The following CYP4X1 variants were observed in gnomAD, a reference collection of about 807,000 sequenced individuals.
CYP4X1 encodes the protein cytochrome P450 4X1.
A neutral mutation model predicts 57.9 loss-of-function variants in CYP4X1; 44 were observed. The ratio of observed to expected loss-of-function variants is 0.76; its 90% CI spans 0.60 to 0.98. The LOEUF is 0.98. CYP4X1 is among the 50% of genes least tolerant of loss of function. CYP4X1 has a pLI of 0.00. For missense variants in CYP4X1, 532 were observed against 623.9 expected (o/e 0.85, Z 1.57); for synonymous variants, 227 against 228.6 (o/e 0.99, Z 0.06).
the CYP4X1 span, among the ~76,000 whole-genome samples, chr1:46,981,488 G>A: frequency 1.3e-5 from 2 of 152,180 alleles, no homozygotes; most frequent in African/African-American, 4.8e-5. Flanking sequence ...AACAACAGGT[G>A]CTGGAGAGGA....
the CYP4X1 span, among the ~76,000 whole-genome samples, chr1:46,966,541 C>A: frequency 6.6e-6 from 1 of 152,146 alleles, no homozygotes; most frequent in East Asian, 1.9e-4. Context: ...CTCTGTGCCA[C>A]TTCTGGGTGG....
chr1:47,040,995 C>T (rs944783494), intron 8 of CYP4X1, among the ~76,000 whole-genome samples: 10 of 152,096 alleles, frequency 6.6e-5, no homozygotes, highest in Admixed American at 6.6e-4. Context: ...CTCTCTGCTT[C>T]TTTGAGTTTA....
chr1:47,010,470 A>T, the CYP4X1 span, among the ~76,000 whole-genome samples: 5 of 152,190 alleles, frequency 3.3e-5, no homozygotes, highest in Non-Finnish European at 7.3e-5. Flanking sequence ...AATGGGCAAA[A>T]ACTGGAAGCA....
the CYP4X1 span, among the ~76,000 whole-genome samples, chr1:46,973,134 C>T: frequency 3.3e-5 from 5 of 151,924 alleles, no homozygotes; most frequent in East Asian, 9.6e-4. Context: ...GAGGGTTTAA[C>T]ATGAAGGAAT....
the CYP4X1 span, among the ~76,000 whole-genome samples, chr1:47,010,577 A>G: frequency 2.0e-5 from 3 of 152,136 alleles, no homozygotes; most frequent in African/African-American, 7.2e-5. Flanking sequence ...CAGGCAGGAG[A>G]AGGAAATAAA....
chr1:47,028,045 A>G (rs1041055525), intron 1 of CYP4X1, among the ~76,000 whole-genome samples: 1 of 152,210 alleles, frequency 6.6e-6, no homozygotes, highest in Non-Finnish European at 1.5e-5. Flanking sequence ...GAATGCATAA[A>G]TATATTAGGT....
At chr1:47,021,142 C>CAAAAAAAAAAAA (rs546594827), upstream of CYP4X1, among the ~76,000 whole-genome samples, 241 of 47,458 alleles carry the variant, frequency 5.1e-3, 55 homozygotes, top group Middle Eastern at 0.036. Context: ...GCAGGAATGC[C>CAAAAAAAAAAAA]AAAAAAAAAA....
the CYP4X1 span, among the ~76,000 whole-genome samples, chr1:46,965,402 ACTCTTTTTTGT>A: frequency 0.043 from 6,553 of 150,844 alleles, 481 homozygotes; most frequent in African/African-American, 0.14. Context: ...AACTGCCCCC[ACTCTTTTTTGT>A]TGATGTTGTT....
chr1:47,029,843 C>A (rs1644107178), intron 1 of CYP4X1, 147 bp from the exon 2 acceptor site: 1 of 802,620 alleles, frequency 1.2e-6, no homozygotes, highest in Non-Finnish European at 2.0e-6. Context: ...GCTTAGAAGT[C>A]CCAAAGAAAG....
the CYP4X1 span, among the ~76,000 whole-genome samples, chr1:47,018,407 T>C: frequency 6.6e-6 from 1 of 152,212 alleles, no homozygotes; most frequent in South Asian, 2.1e-4. Context: ...CAGAAGCCTA[T>C]GTTAGTGAGA....
At chr1:47,034,109 A>G (rs186042522) in intron 4 of CYP4X1, among the ~76,000 whole-genome samples, 97 of 152,340 alleles carry the variant, frequency 6.4e-4, no homozygotes, top group Non-Finnish European at 1.1e-3. Flanking sequence ...AGGAAACTCA[A>G]ATTTGCCATG....
the CYP4X1 span, among the ~76,000 whole-genome samples, chr1:46,965,589 T>A: frequency 6.6e-6 from 1 of 152,218 alleles, no homozygotes; most frequent in African/African-American, 2.4e-5. Context: ...AGCTCCTTCC[T>A]CTGGAAGCTC....
At chr1:46,979,746 G>A in the CYP4X1 span, among the ~76,000 whole-genome samples, 2 of 152,006 alleles carry the variant, frequency 1.3e-5, no homozygotes, top group African/African-American at 4.8e-5. Flanking sequence ...CTGGCAAACC[G>A]AATCCAGCAG....
intron 8 of CYP4X1, among the ~76,000 whole-genome samples, chr1:47,040,013 T>C (rs992937499): frequency 2.9e-5 from 4 of 139,728 alleles, no homozygotes; most frequent in Non-Finnish European, 6.3e-5. Context: ...TGATATATAC[T>C]ATAGTTAAGT....
chr1:46,965,842 C>T, the CYP4X1 span, among the ~76,000 whole-genome samples: 25 of 152,330 alleles, frequency 1.6e-4, no homozygotes, highest in African/African-American at 6.0e-4. Context: ...GATGGCCACG[C>T]CTCCCCTCAG....
downstream of CYP4X1, among the ~76,000 whole-genome samples, chr1:47,051,670 C>G (rs1463497526): frequency 1.3e-5 from 2 of 151,792 alleles, no homozygotes; most frequent in Non-Finnish European, 2.9e-5. Context: ...CCTTGAATTC[C>G]AGATCCTTGG....
chr1:47,010,995 T>C, the CYP4X1 span, among the ~76,000 whole-genome samples: 2 of 152,194 alleles, frequency 1.3e-5, no homozygotes, highest in Non-Finnish European at 2.9e-5. Flanking sequence ...TGGTAATTTA[T>C]AGATTCAATG....
chr1:47,028,887 C>A (rs2148505765), intron 1 of CYP4X1, among the ~76,000 whole-genome samples: 1 of 152,310 alleles, frequency 6.6e-6, no homozygotes, highest in East Asian at 1.9e-4. Context: ...AACCACTACT[C>A]TGGATAGTCA....
At chr1:47,046,633 A>G (rs1373290427) in intron 9 of CYP4X1, 33 bp downstream of exon 9, 5 of 1,613,818 alleles carry the variant, frequency 3.1e-6, no homozygotes, top group Non-Finnish European at 4.2e-6. Context: ...CAGTTCTTAG[A>G]GGCTATGGGA....
Sources: allele counts gnomAD v4.1 joint callset (sites outside exome capture counted in the v4.1 genomes callset), GRCh38; gene constraint gnomAD v4.1.1; transcripts MANE v1.5; gene names NCBI Gene and HGNC (gene_info 2026-07-23, HGNC 2026-07-21).